Variants in WAC observed in about 807,000 individuals in gnomAD.
WAC encodes the protein WW domain containing adaptor with coiled-coil.
A neutral mutation model predicts 79.6 loss-of-function variants in WAC; 11 were observed. The observed-to-expected ratio is 0.14, with a 90% CI of 0.09 to 0.23. The LOEUF (loss-of-function observed/expected upper bound fraction) is 0.23. Among genes scored for constraint, WAC ranks in the 10% least tolerant of loss-of-function variants. The pLI, the probability that WAC is intolerant of heterozygous loss-of-function variation, is 1.00. For missense variants in WAC, 728 were observed against 773.5 expected (o/e 0.94, Z 0.70); for synonymous variants, 304 against 276.9 (o/e 1.10, Z -0.97).
chr10:28,608,935 T>C (rs1250058639), intron 8 of WAC, among the ~76,000 whole-genome samples: 1 of 152,208 alleles, frequency 6.6e-6, no homozygotes, highest in Non-Finnish European at 1.5e-5. Context: ...GCCATTTTTT[T>C]CCTGGTGAAT....
At chr10:28,585,995 TA>T (rs1315095513) in intron 4 of WAC, among the ~76,000 whole-genome samples, 1 of 152,186 alleles carries the variant, frequency 6.6e-6, no homozygotes, top group African/African-American at 2.4e-5. Flanking sequence ...CTAGAATAGA[TA>T]AAATGTTTTG....
chr10:28,540,173 C>G (rs939053177), intron 3 of WAC, among the ~76,000 whole-genome samples: 1 of 152,130 alleles, frequency 6.6e-6, no homozygotes, highest in African/African-American at 2.4e-5. Flanking sequence ...AATTAACAGT[C>G]GCTTTTGATA....
chr10:28,537,585 T>C (rs1307173239), intron 3 of WAC: 1 of 152,194 alleles, frequency 6.6e-6, no homozygotes, highest in Non-Finnish European at 1.5e-5. Context: ...CTTTTACAGG[T>C]GAAGTAATCC....
In WAC at chr10:28,611,918, C is replaced by T. The variant is rs759912974; in HGVS notation, c.1433C>T (p.Pro478Leu). Residue 478 changes from proline to leucine, a missense_variant, in exon 10 of 14, where the codon CCA (proline) becomes CTA (leucine). By Grantham distance (98) the Pro-to-Leu change is moderately conservative. Around this residue, in one of 3 missense-constraint regions of WAC, gnomAD observed 648 missense variants for 661.5 expected, o/e 0.98. Coordinates refer to ENST00000354911, the MANE Select transcript of WAC (RefSeq NM_016628.5). ...AGTACTCCTCCTGTTTCATCACAGC[C>T]AAAGGTATGTCACCTTTGAGGGACA... ...LISTPPVSSQPKVSTPVVKQG... is the reference protein window; with the variant it reads ...LISTPPVSSQLKVSTPVVKQG... 4 of 1,612,258 alleles carry T rather than the reference C, an allele frequency of 2.5e-6. No homozygotes were observed. Among genetic ancestry groups the T allele is most frequent in the Non-Finnish European group, 2.5e-6 (3 of 1,179,614 alleles).
At chr10:28,599,498 C>T (rs190883246) in intron 7 of WAC, among the ~76,000 whole-genome samples, 7 of 152,218 alleles carry the variant, frequency 4.6e-5, no homozygotes, top group Non-Finnish European at 1.0e-4. Context: ...CATCCATGTT[C>T]TATGTGTTAA....
At chr10:28,546,561 T>C (rs1837358200) in intron 3 of WAC, among the ~76,000 whole-genome samples, 1 of 152,222 alleles carries the variant, frequency 6.6e-6, no homozygotes, top group Non-Finnish European at 1.5e-5. Context: ...TTATGATACT[T>C]TGATTTTTTT....
rs1489110690 is a variant in WAC, at chr10:28,533,700, C to T, written c.41+80C>T. ...GCTGTTCCTCCTTATCTGGAGCTGG[C>T]CGGGCCGCCATTTTTGTTGTTAACC... On this transcript the variant is annotated intron_variant, in intron 1 of 13. Coordinates refer to ENST00000354911, the MANE Select transcript of WAC (RefSeq NM_016628.5). 53 of 1,467,874 alleles carry T rather than the reference C, an allele frequency of 3.6e-5. No homozygotes were observed. In the Admixed American group the frequency reaches 1.0e-3, roughly 29 times the overall value. The allele number at this position is 1,467,874 out of a possible 1,614,324, so 90.9% of individuals were successfully genotyped here. A position where few individuals can be genotyped will look rare whatever the true frequency, so the allele number is the denominator to read the frequency against.
chr10:28,535,473 A>T lies in WAC; in HGVS notation c.79-89A>T. On this transcript the variant is annotated intron_variant, in intron 2 of 13. Transcript: ENST00000354911. ...TTAATTTTGTAAGTTCATAAAATTT[A>T]ATGATAATACACCAAAGTTTATGTT... The T allele has an allele frequency of 2.2e-6, 3 of 1,387,534 alleles. No homozygotes were observed. In the South Asian group the frequency reaches 4.8e-5, roughly 22 times the overall value. 86.0% of individuals were successfully genotyped at this position (1,387,534 alleles called of 1,614,324 possible).
chr10:28,558,977 T>C (rs1260174099), intron 3 of WAC, among the ~76,000 whole-genome samples: 1 of 152,176 alleles, frequency 6.6e-6, no homozygotes, highest in Non-Finnish European at 1.5e-5. Context: ...TTTGTTAATA[T>C]AACAAATAGA....
intron 5 of WAC, among the ~76,000 whole-genome samples, chr10:28,590,308 T>A (rs1840019287): frequency 3.1e-5 from 2 of 64,006 alleles, no homozygotes; most frequent in African/African-American, 1.5e-4. Flanking sequence ...CAAGATGCTA[T>A]CTCAAAAAAA....
intron 5 of WAC, among the ~76,000 whole-genome samples, chr10:28,590,092 G>A (rs956447912): frequency 2.6e-5 from 4 of 152,054 alleles, no homozygotes; most frequent in Admixed American, 1.3e-4. Context: ...AGGCCAAGAC[G>A]GGAGGATCAC....
chr10:28,615,584 A>G (rs1841433358), intron 11 of WAC: 1 of 152,264 alleles, frequency 6.6e-6, no homozygotes. Context: ...GTAGGAGATC[A>G]ACTTGGGTGA....
At chr10:28,590,091 C>A (rs923647241) in intron 5 of WAC, among the ~76,000 whole-genome samples, 1 of 151,974 alleles carries the variant, frequency 6.6e-6, no homozygotes, top group African/African-American at 2.4e-5. Context: ...GAGGCCAAGA[C>A]GGGAGGATCA....
At chr10:28,541,238 T>C (rs1837002503) in intron 3 of WAC, among the ~76,000 whole-genome samples, 1 of 152,110 alleles carries the variant, frequency 6.6e-6, no homozygotes, top group Non-Finnish European at 1.5e-5. Context: ...AAGCATCTGT[T>C]ACCTTATTCT....
chr10:28,560,764 G>T (rs1412280847), intron 3 of WAC, among the ~76,000 whole-genome samples: 4 of 152,200 alleles, frequency 2.6e-5, no homozygotes, highest in African/African-American at 9.6e-5. Flanking sequence ...ATTCAAGTCT[G>T]CCTATATAGT....
intron 9 of WAC, 175 bp downstream of exon 9, chr10:28,610,996 TCC>T: frequency 4.3e-6 from 3 of 691,118 alleles, no homozygotes; most frequent in Non-Finnish European, 6.7e-6. Context: ...TATTTTTATT[TCC>T]TTTCTTTTTA....
chr10:28,616,107 G>T, intron 11 of WAC, 66 bp from the exon 12 acceptor site: 1 of 1,326,702 alleles, frequency 7.5e-7, no homozygotes. Context: ...TTAACATGCA[G>T]TTTCTAGGAT....
chr10:28,582,240 TTAGTC>T (rs1839576436), intron 3 of WAC, among the ~76,000 whole-genome samples: 2 of 152,208 alleles, frequency 1.3e-5, no homozygotes, highest in South Asian at 4.1e-4. Context: ...TGCAAAGCAG[TTAGTC>T]ACCTCTCCTA....
intron 3 of WAC, among the ~76,000 whole-genome samples, chr10:28,552,083 G>A (rs533574966): frequency 1.6e-4 from 24 of 152,264 alleles, no homozygotes; most frequent in African/African-American, 5.8e-4. Context: ...AAAGTGCTGG[G>A]ATTTTAGGCG....
Sources: gnomAD v4.1 joint callset for allele counts (sites outside exome capture counted in the v4.1 genomes callset) on GRCh38, gnomAD v4.1.1 for gene constraint, gnomAD v4.1.1 regional missense constraint, MANE v1.5 for transcripts, NCBI Gene and HGNC (gene_info 2026-07-23, HGNC 2026-07-21) for gene names.